The following ADCY9 variants were observed in gnomAD, a reference collection of about 807,000 sequenced individuals.
ADCY9 encodes adenylate cyclase type 9.
Under a neutral mutation model 101.5 loss-of-function variants are expected in ADCY9, and 50 were observed. The ratio of observed to expected loss-of-function variants is 0.49; its 90% CI spans 0.39 to 0.62. The LOEUF is 0.62. Ranked by LOEUF, ADCY9 falls within the 20% of genes least tolerant of loss-of-function variation. ADCY9 has a pLI of 0.00. For synonymous variants in ADCY9, 905 were observed against 769.3 expected (o/e 1.18, Z -2.92); for missense variants, 1,662 against 1,800.4 (o/e 0.92, Z 1.39).
Position 3,963,826 on chromosome 16 carries a change from G to C in ADCY9, c.*1949C>G, listed in dbSNP as rs578144858. On this transcript the variant is annotated 3_prime_UTR_variant, in exon 11 of 11. Coordinates refer to ENST00000294016, the MANE Select transcript of ADCY9 (RefSeq NM_001116.4). ...ATCCCCACGAACAAGGAAAGCATCA[G>C]GTAGTGTTTTTTAAGGAAAAAAAAA... The C allele has an allele frequency of 1.2e-4, 18 of 153,434 alleles. No individual in the cohort carries two copies. In the East Asian group the frequency reaches 2.5e-3, roughly 21 times the overall value. 9.5% of individuals were successfully genotyped at this position (153,434 alleles called of 1,614,324 possible).
Position 3,974,666 on chromosome 16 carries a change from T to C in ADCY9, c.2870+3A>G. On this transcript the variant is annotated splice_donor_region_variant and intron_variant, in intron 10 of 10. Transcript: ENST00000294016. ...AGACAGAAGTGCAATATTAAAAGCT[T>C]ACCTGAAATTCTGTACTGCGTCAAG... is the stretch of plus-strand genomic sequence containing the variant. 6.2e-7 allele frequency: 1 copy of C among 1,611,210 alleles called. No individual in the cohort carries two copies. Among genetic ancestry groups the C allele is most frequent in the Non-Finnish European group, 8.5e-7 (1 of 1,177,644 alleles).
chr16:3,980,891 G>T (rs2056135854), intron 7 of ADCY9, among the ~76,000 whole-genome samples: 1 of 152,218 alleles, frequency 6.6e-6, no homozygotes, highest in African/African-American at 2.4e-5. Flanking sequence ...CTGAAAATGA[G>T]ACCTCACGCC....
chr16:4,054,392 G>A (rs2056722530), intron 2 of ADCY9, among the ~76,000 whole-genome samples: 1 of 151,950 alleles, frequency 6.6e-6, no homozygotes, highest in Admixed American at 6.6e-5. Context: ...CCCAAACTGT[G>A]GTGGATTGCA....
chr16:4,102,831 C>T (rs1312152115), intron 2 of ADCY9, among the ~76,000 whole-genome samples: 3 of 152,114 alleles, frequency 2.0e-5, no homozygotes, highest in Non-Finnish European at 4.4e-5. Flanking sequence ...AAGTGATTCT[C>T]CTGCCTCAAC....
intron 2 of ADCY9, among the ~76,000 whole-genome samples, chr16:4,053,745 C>T (rs1369058147): frequency 1.3e-5 from 2 of 152,206 alleles, no homozygotes; most frequent in African/African-American, 4.8e-5. Flanking sequence ...TGGGACGCAG[C>T]CAGTGAGCCC....
rs2056220099 is a variant in ADCY9 at position 3,988,847 on chromosome 16, G to T, written c.2310+147C>A. The T allele has an allele frequency of 7.4e-6, 5 of 678,788 alleles. No individual in the cohort carries two copies. Among genetic ancestry groups the T allele is most frequent in the South Asian group, 5.3e-5 (3 of 57,016 alleles). The allele number at this position is 678,788 out of a possible 1,614,324, so 42.0% of individuals were successfully genotyped here. A position where few individuals can be genotyped will look rare whatever the true frequency, so the allele number is the denominator to read the frequency against. On this transcript the variant is annotated intron_variant, in intron 6 of 10. Coordinates refer to ENST00000294016, the MANE Select transcript of ADCY9 (RefSeq NM_001116.4). ...TTTGCAAAGAGACATTTCATGTACA[G>T]TTGCCACTTAGGGTTTACAGAGTGT...
chr16:4,027,992 C>T (rs2056529546), intron 2 of ADCY9, among the ~76,000 whole-genome samples: 1 of 152,072 alleles, frequency 6.6e-6, no homozygotes. Flanking sequence ...CTGGGTCCCT[C>T]CCACAACATG....
chr16:3,988,966 G>C, intron 6 of ADCY9, 28 bp downstream of exon 6: 2 of 1,541,678 alleles, frequency 1.3e-6, no homozygotes, highest in Non-Finnish European at 1.8e-6. Context: ...ACATTCTTTA[G>C]TAAAAGCGCA....
intron 2 of ADCY9, among the ~76,000 whole-genome samples, chr16:4,109,926 T>C (rs938869798): frequency 1.3e-5 from 2 of 152,124 alleles, no homozygotes; most frequent in African/African-American, 2.4e-5. Context: ...ACGCTACCCA[T>C]GGCCTTCCTT....
intron 2 of ADCY9, among the ~76,000 whole-genome samples, chr16:4,023,069 G>A (rs1328791818): frequency 6.6e-6 from 1 of 152,214 alleles, no homozygotes; most frequent in Non-Finnish European, 1.5e-5. Flanking sequence ...TGGAGATCAA[G>A]GAAGGGCAGA....
intron 2 of ADCY9, among the ~76,000 whole-genome samples, chr16:4,091,013 C>T (rs575658990): frequency 6.6e-6 from 1 of 151,914 alleles, no homozygotes; most frequent in Admixed American, 6.6e-5. Flanking sequence ...TCCAAAACAT[C>T]GGACTGCCAC....
At chr16:3,991,242 G>C (rs1004245687) in intron 5 of ADCY9, among the ~76,000 whole-genome samples, 1 of 152,154 alleles carries the variant, frequency 6.6e-6, no homozygotes, top group African/African-American at 2.4e-5. Flanking sequence ...GTCATAAGAG[G>C]AATATAATAA....
intron 3 of ADCY9, among the ~76,000 whole-genome samples, chr16:4,006,421 T>C (rs1376813701): frequency 6.6e-6 from 1 of 152,234 alleles, no homozygotes; most frequent in East Asian, 1.9e-4. Context: ...CTATGTATTC[T>C]GACCCAGTAA....
chr16:3,979,715 G>A (rs1463083519), intron 7 of ADCY9, among the ~76,000 whole-genome samples: 8 of 152,220 alleles, frequency 5.3e-5, no homozygotes, highest in South Asian at 2.1e-4. Flanking sequence ...CAGAAGAGGC[G>A]GTCCTGGCAT....
In ADCY9 at chr16:3,970,105, T is replaced by C. The variant is rs1019094581; in HGVS notation, c.2871-3139A>G. On this transcript the variant is annotated intron_variant, in intron 10 of 10. Coordinates refer to ENST00000294016, the MANE Select transcript of ADCY9 (RefSeq NM_001116.4). ...TCCTCCCGCGCACAGAGTAGGCCAGTTGATTTGATGCAATAATGGGCTTGG... is the reference window on the plus strand; with the variant it reads ...TCCTCCCGCGCACAGAGTAGGCCAGCTGATTTGATGCAATAATGGGCTTGG... 1.7e-4 allele frequency among the ~76,000 whole-genome samples: 26 copies of C among 152,280 alleles called. 1 individual carries two copies. The highest frequency in any genetic ancestry group is 5.8e-4 in the African/African-American group (24 of 41,556).
rs1263069070 is a variant in ADCY9, at chr16:4,115,831, CG to C, written c.-186del. 1 of 402,132 alleles carries C rather than the reference CG, an allele frequency of 2.5e-6. No homozygotes were observed. The highest frequency in any genetic ancestry group is 2.1e-5 in the African/African-American group (1 of 48,426). 24.9% of individuals were successfully genotyped at this position (402,132 alleles called of 1,614,324 possible). A position where few individuals can be genotyped will look rare whatever the true frequency, so the allele number is the denominator to read the frequency against. On this transcript the variant is annotated 5_prime_UTR_variant, in exon 1 of 11. Transcript: ENST00000294016. This position sits in a 1 kb window ranked among gnomAD's most constrained non-coding sequence, Gnocchi z 6.2. ...CTCGCGCGCTCGCCTCCTCCAGCTG[CG>C]GCTCCGGAGGGAAGTTCAGACCTTG...
At chr16:3,958,267 C>T (rs541846978), downstream of ADCY9, among the ~76,000 whole-genome samples, 34 of 152,242 alleles carry the variant, frequency 2.2e-4, no homozygotes, top group African/African-American at 7.7e-4. Flanking sequence ...ATGGGCCGGG[C>T]ACGGTAGCTC....
At chr16:4,087,055 AC>A (rs2056943507) in intron 2 of ADCY9, among the ~76,000 whole-genome samples, 1 of 151,972 alleles carries the variant, frequency 6.6e-6, no homozygotes, top group Non-Finnish European at 1.5e-5. Flanking sequence ...CCATTCTGAT[AC>A]TGCGCCCTAC....
intron 2 of ADCY9, among the ~76,000 whole-genome samples, chr16:4,023,392 T>C (rs1218150859): frequency 6.6e-6 from 1 of 152,194 alleles, no homozygotes; most frequent in Admixed American, 6.5e-5. Flanking sequence ...AGGGACGTCC[T>C]TTCTGAAGAA....
Sources: allele counts gnomAD v4.1 joint callset (sites outside exome capture counted in the v4.1 genomes callset), GRCh38; gene constraint gnomAD v4.1.1; non-coding constraint Gnocchi (gnomAD v3.1); transcripts MANE v1.5; gene names NCBI Gene and HGNC (gene_info 2026-07-23, HGNC 2026-07-21).